INPP4B: variants seen among roughly 807,000 people sequenced by gnomAD.
The protein encoded by INPP4B is inositol polyphosphate 4-phosphatase type II.
INPP4B carries 55 observed loss-of-function variants against 122.5 expected under a neutral mutation model. The observed-to-expected ratio is 0.45, with a 90% CI of 0.36 to 0.56. The LOEUF is 0.56. Ranked by LOEUF, INPP4B falls within the 20% of genes least tolerant of loss-of-function variation. The pLI, the probability that INPP4B is intolerant of heterozygous loss-of-function variation, is 0.00. For missense variants in INPP4B, 1,000 were observed against 1,097.7 expected, an observed-to-expected ratio of 0.91 and a Z score of 1.26; for synonymous variants, 403 against 388.7, an observed-to-expected ratio of 1.04 and a Z score of -0.43.
chr4:142,372,844 C>T (rs1332470315), intron 7 of INPP4B, among the ~76,000 whole-genome samples: 3 of 152,000 alleles, frequency 2.0e-5, no homozygotes, highest in Non-Finnish European at 4.4e-5. Context: ...ACTAAAGCAT[C>T]TTGACTACAC....
At chr4:142,688,851 T>A (rs1026032174) in intron 2 of INPP4B, among the ~76,000 whole-genome samples, 11 of 152,170 alleles carry the variant, frequency 7.2e-5, no homozygotes, top group African/African-American at 2.7e-4. Context: ...AAACCTAATA[T>A]CAGTGCTTGA....
At chr4:142,443,166 T>C (rs755317533) in intron 3 of INPP4B, among the ~76,000 whole-genome samples, 4 of 152,120 alleles carry the variant, frequency 2.6e-5, no homozygotes, top group Non-Finnish European at 2.9e-5. Context: ...CCAAAATATA[T>C]AATGTCATCT....
At chr4:142,623,710 C>T (rs1220266699) in intron 2 of INPP4B, among the ~76,000 whole-genome samples, 5 of 147,940 alleles carry the variant, frequency 3.4e-5, no homozygotes, top group African/African-American at 1.0e-4. Flanking sequence ...TAATGCTATC[C>T]CTCCCCCCTC....
intron 5 of INPP4B, among the ~76,000 whole-genome samples, chr4:142,421,003 C>A (rs1806760109): frequency 6.6e-6 from 1 of 152,074 alleles, no homozygotes; most frequent in South Asian, 2.1e-4. Context: ...ATAGTAATAT[C>A]CTTCCCATTT....
At position 142,737,921 on chromosome 4, in the gene INPP4B, A is replaced by C. The variant is rs535543093; in HGVS notation, c.-253-12020T>G. ...AAACCACGATGAGATACCATCTCAC[A>C]CCAGTTAGAATGGCAATCATTAAAA... On this transcript the variant is annotated intron_variant, in intron 1 of 25. Transcript: ENST00000262992. 2.0e-5 allele frequency among the ~76,000 whole-genome samples: 3 copies of C among 152,236 alleles called. No homozygotes were observed. The East Asian group carries it at 5.8e-4, about 29-fold the overall frequency.
intron 2 of INPP4B, among the ~76,000 whole-genome samples, chr4:142,503,020 T>C (rs907714129): frequency 6.6e-6 from 1 of 152,192 alleles, no homozygotes; most frequent in Non-Finnish European, 1.5e-5. Flanking sequence ...ATAAAATTTA[T>C]AATAAATTGA....
intron 3 of INPP4B, among the ~76,000 whole-genome samples, chr4:142,457,421 T>A (rs1815690105): frequency 1.3e-5 from 2 of 152,136 alleles, no homozygotes; most frequent in Admixed American, 6.5e-5. Context: ...TAATGACCTT[T>A]TGAAACTCCA....
intron 14 of INPP4B, chr4:142,202,740 C>T (rs924039314): frequency 3.0e-6 from 3 of 983,960 alleles, no homozygotes; most frequent in Non-Finnish European, 3.6e-6. Flanking sequence ...CTTTTCATAC[C>T]AATTTGCGGA....
chr4:142,663,779 A>G (rs2150596303), intron 2 of INPP4B, among the ~76,000 whole-genome samples: 1 of 152,296 alleles, frequency 6.6e-6, no homozygotes, highest in South Asian at 2.1e-4. Flanking sequence ...AACTGTCACC[A>G]TAGTTTTCTG....
intron 17 of INPP4B, among the ~76,000 whole-genome samples, chr4:142,152,431 TA>T (rs1014134918): frequency 6.6e-5 from 10 of 152,114 alleles, no homozygotes; most frequent in African/African-American, 2.4e-4. Flanking sequence ...TATTATTTTT[TA>T]ATCCTTTCAT....
At chr4:142,071,782 A>G (rs967166548) in intron 25 of INPP4B, among the ~76,000 whole-genome samples, 3 of 152,222 alleles carry the variant, frequency 2.0e-5, no homozygotes, top group African/African-American at 7.2e-5. Flanking sequence ...CAAAACTACA[A>G]TGAGATACCA....
chr4:142,140,565 G>A (rs1807247589), intron 18 of INPP4B, among the ~76,000 whole-genome samples: 1 of 152,144 alleles, frequency 6.6e-6, no homozygotes, highest in Non-Finnish European at 1.5e-5. Context: ...CATATAAAAT[G>A]TGAATAAAAT....
intron 22 of INPP4B, among the ~76,000 whole-genome samples, chr4:142,109,505 C>A (rs1019682447): frequency 6.6e-6 from 1 of 152,098 alleles, no homozygotes; most frequent in African/African-American, 2.4e-5. Flanking sequence ...CAAAGGCTTC[C>A]AAAACCTCTT....
chr4:142,579,910 G>T (rs1734701819), intron 2 of INPP4B, among the ~76,000 whole-genome samples: 1 of 150,832 alleles, frequency 6.6e-6, no homozygotes, highest in Non-Finnish European at 1.5e-5. Context: ...TAGATAGATA[G>T]ATAGATAGAT....
intron 18 of INPP4B, among the ~76,000 whole-genome samples, chr4:142,137,278 A>G (rs1804954440): frequency 6.7e-6 from 1 of 148,702 alleles, no homozygotes. Flanking sequence ...AAAACAAGCA[A>G]TGGGGAAAGG....
At chr4:142,441,219 C>T (rs1811643055) in intron 3 of INPP4B, among the ~76,000 whole-genome samples, 1 of 151,950 alleles carries the variant, frequency 6.6e-6, no homozygotes. Flanking sequence ...GAAAAGCAAC[C>T]TATTTAGAGG....
intron 2 of INPP4B, among the ~76,000 whole-genome samples, chr4:142,672,409 C>T (rs1009724963): frequency 1.2e-4 from 18 of 151,986 alleles, no homozygotes; most frequent in African/African-American, 3.4e-4. Flanking sequence ...TTGGTAGGTA[C>T]AGTGGTTTTT....
intron 2 of INPP4B, among the ~76,000 whole-genome samples, chr4:142,539,082 T>TTATATATA (rs58073799): frequency 6.7e-6 from 1 of 148,752 alleles, no homozygotes; most frequent in African/African-American, 2.5e-5. Flanking sequence ...AATTGTTATT[T>TTATATATA]TATATATATA....
chr4:142,744,102 T>G (rs1260037803), intron 1 of INPP4B, among the ~76,000 whole-genome samples: 2 of 151,926 alleles, frequency 1.3e-5, no homozygotes, highest in Non-Finnish European at 2.9e-5. Context: ...GAACAGATGA[T>G]GACTCTCAGA....
Sources: gnomAD v4.1 joint callset for allele counts (sites outside exome capture counted in the v4.1 genomes callset) on GRCh38, gnomAD v4.1.1 for gene constraint, MANE v1.5 for transcripts, NCBI Gene and HGNC (gene_info 2026-07-23, HGNC 2026-07-21) for gene names.